The following TENM1 variants were observed in gnomAD, a reference collection of about 807,000 sequenced individuals.
TENM1 encodes the protein teneurin-1.
TENM1 carries 35 observed loss-of-function variants against 174.8 expected under a neutral mutation model. The observed-to-expected ratio is 0.20, with a 90% CI of 0.15 to 0.27. The LOEUF is 0.27. Among genes scored for constraint, TENM1 ranks in the 10% least tolerant of loss-of-function variants. The probability of loss-of-function intolerance (pLI) is 1.00; values close to 1 mark genes in which losing one functional copy is unlikely to be tolerated. For synonymous variants in TENM1, 781 were observed against 798.7 expected (o/e 0.98, Z 0.37); for missense variants, 1,633 against 2,130.1 (o/e 0.77, Z 4.59).
At chrX:124,837,231 G>T (rs750383578) in intron 3 of TENM1, among the ~76,000 whole-genome samples, 138 of 112,013 alleles carry the variant, frequency 1.2e-3, no homozygotes, top group African/African-American at 4.1e-3. Context: ...TGGGATTACA[G>T]GCATGCACCA....
intron 25 of TENM1, among the ~76,000 whole-genome samples, chrX:124,417,706 C>T (rs1471291316): frequency 9.0e-6 from 1 of 111,501 alleles, no homozygotes; most frequent in Non-Finnish European, 1.9e-5. Context: ...AATTGTCTAC[C>T]TGATATTTTC....
chrX:124,883,033 C>A (rs1251841319), intron 3 of TENM1, among the ~76,000 whole-genome samples: 2 of 111,811 alleles, frequency 1.8e-5, no homozygotes, highest in Non-Finnish European at 3.8e-5. Context: ...AATTTAATAT[C>A]ATTATTTTCC....
At chrX:124,943,296 G>A (rs1314992036) in intron 1 of TENM1, among the ~76,000 whole-genome samples, 3 of 111,352 alleles carry the variant, frequency 2.7e-5, no homozygotes, top group Non-Finnish European at 5.7e-5. Flanking sequence ...TGCACAAAAG[G>A]TTAGAAGACA....
intron 11 of TENM1, 51 bp downstream of exon 14, chrX:124,641,740 C>A (rs377445333): frequency 5.0e-4 from 549 of 1,100,933 alleles, no homozygotes; most frequent in Non-Finnish European, 6.1e-4. Flanking sequence ...AAGGAAGGAA[C>A]AGTTAGAATT....
At chrX:124,930,559 T>C (rs1315583463) in intron 1 of TENM1, among the ~76,000 whole-genome samples, 1 of 112,063 alleles carries the variant, frequency 8.9e-6, no homozygotes, top group Non-Finnish European at 1.9e-5. Flanking sequence ...ATCTTTTATA[T>C]ATGTGCACTT....
intron 16 of TENM1, among the ~76,000 whole-genome samples, chrX:124,525,530 C>CA (rs1459270444): frequency 1.2e-4 from 14 of 112,020 alleles, no homozygotes; most frequent in African/African-American, 4.2e-4. Context: ...TATTTAAAAA[C>CA]AAAAAACAAA....
intron 11 of TENM1, among the ~76,000 whole-genome samples, chrX:124,588,241 C>T (rs979239479): frequency 1.1e-3 from 125 of 111,046 alleles, no homozygotes; most frequent in Admixed American, 1.9e-3. Context: ...CACATGCACA[C>T]GTATGTTTAT....
chrX:124,800,731 G>T (rs947435306), intron 3 of TENM1, among the ~76,000 whole-genome samples: 1 of 111,313 alleles, frequency 9.0e-6, no homozygotes, highest in Non-Finnish European at 1.9e-5. Context: ...TCTTATGTGG[G>T]CATTTAGTGC....
chrX:125,137,098 C>A, the TENM1 span, among the ~76,000 whole-genome samples: 23 of 111,568 alleles, frequency 2.1e-4, no homozygotes, highest in African/African-American at 6.2e-4. Context: ...ACTCATTTCC[C>A]TCATTTATTA....
intron 3 of TENM1, among the ~76,000 whole-genome samples, chrX:124,791,804 C>A (rs994055965): frequency 1.8e-5 from 2 of 111,251 alleles, no homozygotes; most frequent in Non-Finnish European, 1.9e-5. Flanking sequence ...AGGAAGCTGG[C>A]AATAAGTAGA....
intron 3 of TENM1, among the ~76,000 whole-genome samples, chrX:124,749,169 C>T (rs746112785): frequency 9.0e-6 from 1 of 111,423 alleles, no homozygotes; most frequent in Admixed American, 9.6e-5. Context: ...TGACACCTTT[C>T]TTTTCCTCTT....
chrX:124,951,187 G>T (rs971905274), intron 1 of TENM1, among the ~76,000 whole-genome samples: 1 of 111,776 alleles, frequency 8.9e-6, no homozygotes, highest in Non-Finnish European at 1.9e-5. Flanking sequence ...ATAAAAAGTA[G>T]CCTTGTTTAA....
intron 1 of TENM1, among the ~76,000 whole-genome samples, chrX:124,916,365 T>G (rs1398519149): frequency 9.0e-6 from 1 of 111,370 alleles, no homozygotes; most frequent in Non-Finnish European, 1.9e-5. Flanking sequence ...TGTAGTGCAG[T>G]AGCATCATCA....
chrX:124,782,994 T>C (rs1452832608), intron 3 of TENM1, among the ~76,000 whole-genome samples: 3 of 111,875 alleles, frequency 2.7e-5, no homozygotes, highest in African/African-American at 6.5e-5. Flanking sequence ...TATTCTGACA[T>C]TGGGCATGGT....
rs185177710 is a variant in TENM1, at chrX:124,757,281, G to A, written c.536-20084C>T. Among the ~76,000 whole-genome samples the A allele has an allele frequency of 1.2e-4, 14 of 112,574 alleles. No individual in the cohort carries two copies. In the East Asian group the frequency reaches 2.0e-3, roughly 16 times the overall value. On this transcript the variant is annotated intron_variant, in intron 3 of 31. Transcript: ENST00000422452. ...TAGCAATCAGCGAGACTCCGTGGGCGTAGGACCCTCCAAGCCAGGTGCGGG... is the reference window on the plus strand; with the variant it reads ...TAGCAATCAGCGAGACTCCGTGGGCATAGGACCCTCCAAGCCAGGTGCGGG...
At chrX:124,689,933 TC>T (rs1338456229) in intron 5 of TENM1, among the ~76,000 whole-genome samples, 1 of 111,382 alleles carries the variant, frequency 9.0e-6, no homozygotes, top group Non-Finnish European at 1.9e-5. Context: ...TGTAATATTT[TC>T]AGACCATAGT....
At chrX:125,109,142 A>T in the TENM1 span, among the ~76,000 whole-genome samples, 1 of 111,568 alleles carries the variant, frequency 9.0e-6, no homozygotes, top group East Asian at 2.8e-4. Flanking sequence ...TACTTACATC[A>T]ATTTGTCACA....
At chrX:124,678,082 A>C (rs1331092944) in intron 5 of TENM1, among the ~76,000 whole-genome samples, 1 of 111,527 alleles carries the variant, frequency 9.0e-6, no homozygotes, top group Non-Finnish European at 1.9e-5. Context: ...AACTGTGCAC[A>C]TCTCTTCCCA....
chrX:125,155,703 G>A, the TENM1 span, among the ~76,000 whole-genome samples: 8 of 112,740 alleles, frequency 7.1e-5, no homozygotes, highest in Non-Finnish European at 1.5e-4. Context: ...CACACCCTCC[G>A]CAGCCACTGG....
Sources: gnomAD v4.1 joint callset for allele counts (sites outside exome capture counted in the v4.1 genomes callset) on GRCh38, gnomAD v4.1.1 for gene constraint, MANE v1.5 for transcripts, NCBI Gene and HGNC (gene_info 2026-07-23, HGNC 2026-07-21) for gene names.